Variants in ZNF804B observed in about 807,000 individuals in gnomAD.
ZNF804B encodes the protein zinc finger 804B.
Under a neutral mutation model 101.4 loss-of-function variants are expected in ZNF804B, and 80 were observed. That is an observed-to-expected ratio of 0.79 (90% confidence interval 0.66 to 0.95). The LOEUF (loss-of-function observed/expected upper bound fraction) is 0.95. ZNF804B is among the 40% of genes least tolerant of loss of function. The probability of loss-of-function intolerance (pLI) is 0.00; values close to 1 mark genes in which losing one functional copy is unlikely to be tolerated. For missense variants in ZNF804B, 1,673 were observed against 1,561.9 expected (o/e 1.07, Z -1.20); for synonymous variants, 622 against 558.8 (o/e 1.11, Z -1.59).
At chr7:89,194,496 G>A (rs1788513788) in intron 1 of ZNF804B, among the ~76,000 whole-genome samples, 2 of 150,250 alleles carry the variant, frequency 1.3e-5, no homozygotes, top group African/African-American at 4.9e-5. Flanking sequence ...TGTATAAGGT[G>A]TAAGGAAGGG....
chr7:89,262,654 G>A (rs1789728270), intron 2 of ZNF804B, among the ~76,000 whole-genome samples: 1 of 151,938 alleles, frequency 6.6e-6, no homozygotes, highest in Non-Finnish European at 1.5e-5. Context: ...ATTGCATTAT[G>A]AGCTACTAGG....
intron 1 of ZNF804B, among the ~76,000 whole-genome samples, chr7:89,054,762 T>G (rs924293575): frequency 1.5e-4 from 23 of 152,042 alleles, no homozygotes; most frequent in Non-Finnish European, 3.2e-4. Context: ...TCAGGTGGTT[T>G]ACAAAAGGTG....
At chr7:88,841,267 G>C (rs1279531049) in intron 1 of ZNF804B, among the ~76,000 whole-genome samples, 1 of 152,184 alleles carries the variant, frequency 6.6e-6, no homozygotes, top group Admixed American at 6.5e-5. Context: ...CATAGTCTTA[G>C]AGTGGGAGCT....
At chr7:88,789,676 A>C (rs1790350645) in intron 1 of ZNF804B, among the ~76,000 whole-genome samples, 1 of 152,138 alleles carries the variant, frequency 6.6e-6, no homozygotes, top group Non-Finnish European at 1.5e-5. Context: ...TTCTGCATTA[A>C]ATTATTTAAT....
At chr7:88,807,672 A>C (rs1385542451) in intron 1 of ZNF804B, among the ~76,000 whole-genome samples, 1 of 152,064 alleles carries the variant, frequency 6.6e-6, no homozygotes, top group East Asian at 1.9e-4. Context: ...GAGCACTCCT[A>C]TGTTGGTGAG....
chr7:89,104,984 A>G (rs769742655), intron 1 of ZNF804B, among the ~76,000 whole-genome samples: 5 of 152,140 alleles, frequency 3.3e-5, no homozygotes, highest in Non-Finnish European at 5.9e-5. Flanking sequence ...GTTACTCACA[A>G]CCCATTTTAG....
intron 2 of ZNF804B, among the ~76,000 whole-genome samples, chr7:89,228,859 G>A (rs907680822): frequency 1.1e-4 from 16 of 152,158 alleles, no homozygotes; most frequent in Non-Finnish European, 2.9e-5. Flanking sequence ...AGGGGCGCAC[G>A]GAGCAGGTAG....
chr7:88,887,785 A>G (rs1792152377), intron 1 of ZNF804B, among the ~76,000 whole-genome samples: 2 of 151,344 alleles, frequency 1.3e-5, no homozygotes, highest in Non-Finnish European at 2.9e-5. Flanking sequence ...TATTTACCCC[A>G]TGCATATCTT....
chr7:89,224,123 C>T (rs1482551347), intron 2 of ZNF804B, among the ~76,000 whole-genome samples: 1 of 151,966 alleles, frequency 6.6e-6, no homozygotes, highest in Non-Finnish European at 1.5e-5. Flanking sequence ...GACATTCTGA[C>T]TCATCTCAAT....
intron 1 of ZNF804B, among the ~76,000 whole-genome samples, chr7:89,016,868 G>A (rs1404596455): frequency 6.6e-6 from 1 of 152,192 alleles, no homozygotes; most frequent in Admixed American, 6.5e-5. Flanking sequence ...TTCCAATTCT[G>A]TGAAGAAAGT....
intron 1 of ZNF804B, among the ~76,000 whole-genome samples, chr7:88,785,325 C>T (rs561072619): frequency 1.2e-4 from 18 of 152,058 alleles, no homozygotes; most frequent in East Asian, 5.8e-4. Flanking sequence ...GTATTGGACA[C>T]GTCTCTTGAT....
intron 1 of ZNF804B, among the ~76,000 whole-genome samples, chr7:89,145,867 T>A (rs4141351): frequency 0.41 from 62,524 of 151,410 alleles, 13,034 homozygotes; most frequent in Middle Eastern, 0.53. Flanking sequence ...ATAAGGAATT[T>A]AAAAAAAAGC....
At chr7:88,943,910 A>G (rs1315550033) in intron 1 of ZNF804B, among the ~76,000 whole-genome samples, 6 of 151,776 alleles carry the variant, frequency 4.0e-5, no homozygotes, top group Non-Finnish European at 7.4e-5. Flanking sequence ...TATGCTTTTC[A>G]TATTCATTCA....
chr7:89,302,101 C>T (rs1376839199), intron 2 of ZNF804B, among the ~76,000 whole-genome samples: 1 of 120,498 alleles, frequency 8.3e-6, no homozygotes, highest in East Asian at 2.1e-4. Context: ...CAAACAATGT[C>T]TTACATGTTC....
intron 1 of ZNF804B, among the ~76,000 whole-genome samples, chr7:89,168,567 A>C (rs915530891): frequency 6.6e-6 from 1 of 152,110 alleles, no homozygotes; most frequent in Non-Finnish European, 1.5e-5. Context: ...ACTTGTGGTC[A>C]GTTGGTTAGT....
At chr7:89,000,977 A>C (rs1214497785) in intron 1 of ZNF804B, among the ~76,000 whole-genome samples, 3 of 147,620 alleles carry the variant, frequency 2.0e-5, no homozygotes, top group Non-Finnish European at 3.0e-5. Flanking sequence ...ATAATCATAT[A>C]ATAAATGTAC....
At position 89,131,883 on chromosome 7, in the gene ZNF804B, G is replaced by A. The variant is rs868257378; in HGVS notation, c.109-86272G>A. Reference sequence around the variant, plus strand: ...GTTTCCCATTCAAGCCTGATAACACGAATCTTAGGCTAAGACCCCATTAAA... The same window carrying A: ...GTTTCCCATTCAAGCCTGATAACACAAATCTTAGGCTAAGACCCCATTAAA... On this transcript the variant is annotated intron_variant, in intron 1 of 3. Coordinates refer to ENST00000333190, the MANE Select transcript of ZNF804B (RefSeq NM_181646.5). 7.2e-4 allele frequency among the ~76,000 whole-genome samples: 109 copies of A among 152,060 alleles called. 1 individual carries two copies. The highest frequency in any genetic ancestry group is 3.7e-3 in the South Asian group (18 of 4,826).
At chr7:89,055,157 A>G (rs1789271458) in intron 1 of ZNF804B, among the ~76,000 whole-genome samples, 1 of 152,142 alleles carries the variant, frequency 6.6e-6, no homozygotes, top group South Asian at 2.1e-4. Context: ...GACTTGACCA[A>G]GAAAGTTCGG....
intron 1 of ZNF804B, among the ~76,000 whole-genome samples, chr7:88,911,112 T>C (rs1442210363): frequency 1.3e-5 from 2 of 151,972 alleles, no homozygotes; most frequent in Non-Finnish European, 2.9e-5. Context: ...AAAAGAACAG[T>C]GAAACAATGT....
Sources: allele counts gnomAD v4.1 joint callset (sites outside exome capture counted in the v4.1 genomes callset), GRCh38; gene constraint gnomAD v4.1.1; transcripts MANE v1.5; gene names NCBI Gene and HGNC (gene_info 2026-07-23, HGNC 2026-07-21).